The following PHACTR1 variants were observed in gnomAD, a reference collection of about 807,000 sequenced individuals.
PHACTR1 encodes the protein RPEL repeat containing 1.
A neutral mutation model predicts 69.2 loss-of-function variants in PHACTR1; 16 were observed. That is an observed-to-expected ratio of 0.23 (90% confidence interval 0.16 to 0.35). PHACTR1 has a LOEUF of 0.35. Among genes scored for constraint, PHACTR1 ranks in the 10% least tolerant of loss-of-function variants. PHACTR1 has a pLI of 1.00. For synonymous variants in PHACTR1, 312 were observed against 284.5 expected (o/e 1.10, Z -0.97); for missense variants, 510 against 734.7 (o/e 0.69, Z 3.54).
chr6:13,232,449 C>T (rs1771360478), intron 10 of PHACTR1, among the ~76,000 whole-genome samples: 1 of 152,180 alleles, frequency 6.6e-6, no homozygotes, highest in Non-Finnish European at 1.5e-5. Flanking sequence ...AACATCTAAC[C>T]ACCTGCCACA....
intron 10 of PHACTR1, among the ~76,000 whole-genome samples, chr6:13,262,128 G>A (rs1286517766): frequency 1.3e-5 from 2 of 152,142 alleles, no homozygotes; most frequent in African/African-American, 2.4e-5. Context: ...GCAGCAACTG[G>A]GAGAGATGCT....
chr6:13,206,158 G>T (rs1397520844), intron 8 of PHACTR1, 22 bp downstream of exon 8: 2 of 1,531,248 alleles, frequency 1.3e-6, no homozygotes, highest in Non-Finnish European at 1.8e-6. Context: ...CACCAGGAGG[G>T]AGGACGGGAG....
chr6:12,831,088 G>A (rs888952443), intron 4 of PHACTR1, among the ~76,000 whole-genome samples: 2 of 151,994 alleles, frequency 1.3e-5, no homozygotes, highest in Non-Finnish European at 2.9e-5. Context: ...AAGAACTATC[G>A]TATTTGAGCT....
intron 8 of PHACTR1, among the ~76,000 whole-genome samples, chr6:13,207,213 A>G (rs960940283): frequency 5.9e-5 from 9 of 152,240 alleles, no homozygotes; most frequent in African/African-American, 1.9e-4. Flanking sequence ...ATATCTTTCT[A>G]TAGTACTTTT....
At chr6:12,997,872 G>T (rs1450126734) in intron 4 of PHACTR1, among the ~76,000 whole-genome samples, 4 of 152,140 alleles carry the variant, frequency 2.6e-5, no homozygotes, top group Non-Finnish European at 5.9e-5. Context: ...AGAATGGTGT[G>T]AACCCGGGAG....
At chr6:13,158,975 C>T (rs562938851) in intron 5 of PHACTR1, among the ~76,000 whole-genome samples, 1 of 152,330 alleles carries the variant, frequency 6.6e-6, no homozygotes, top group East Asian at 1.9e-4. Context: ...GAGGTTGAGT[C>T]AGTGTGTACC....
chr6:12,859,859 C>T (rs1000405092), intron 4 of PHACTR1, among the ~76,000 whole-genome samples: 1 of 152,096 alleles, frequency 6.6e-6, no homozygotes, highest in Non-Finnish European at 1.5e-5. Flanking sequence ...CAGAAATTCT[C>T]CAGAGAAAGC....
intron 4 of PHACTR1, among the ~76,000 whole-genome samples, chr6:12,972,858 T>C (rs1794402189): frequency 6.6e-6 from 1 of 152,058 alleles, no homozygotes; most frequent in East Asian, 1.9e-4. Context: ...ACCGTATTGA[T>C]CAGGCTGGTC....
chr6:12,874,257 G>A (rs535320838), intron 4 of PHACTR1, among the ~76,000 whole-genome samples: 2 of 152,254 alleles, frequency 1.3e-5, no homozygotes, highest in East Asian at 3.9e-4. Flanking sequence ...TCAGTAGCAA[G>A]GATCTAGAGA....
At chr6:12,889,141 G>T (rs1298186909) in intron 4 of PHACTR1, among the ~76,000 whole-genome samples, 1 of 152,190 alleles carries the variant, frequency 6.6e-6, no homozygotes, top group Non-Finnish European at 1.5e-5. Flanking sequence ...AGGCATGGTG[G>T]CTTGAGCCTT....
chr6:12,773,351 T>A (rs1183391940), intron 4 of PHACTR1, among the ~76,000 whole-genome samples: 1 of 152,176 alleles, frequency 6.6e-6, no homozygotes, highest in Non-Finnish European at 1.5e-5. Context: ...CTGCGTCAAC[T>A]CAATATTTTA....
rs147824337 is a variant in PHACTR1 at position 12,931,356 on chromosome 6, C to T, written c.251-122009C>T. Among the ~76,000 whole-genome samples, 413 of 152,246 alleles carry T rather than the reference C, an allele frequency of 2.7e-3. 2 individuals carry two copies. In the Middle Eastern group the frequency reaches 0.037, roughly 14 times the overall value. ...GCCTAAGTTTAGTCTCAGGGTCATA[C>T]CTACCTGCAGGGAAAGTTGGCAACT... is the stretch of plus-strand genomic sequence containing the variant. On this transcript the variant is annotated intron_variant, in intron 4 of 14. Transcript: ENST00000332995.
chr6:12,806,836 G>C (rs1198847476), intron 4 of PHACTR1, among the ~76,000 whole-genome samples: 2 of 152,070 alleles, frequency 1.3e-5, no homozygotes, highest in African/African-American at 4.8e-5. Flanking sequence ...GGGCAAAATG[G>C]CTGTCCTTAA....
In PHACTR1 at chr6:13,245,473, T is replaced by A. The variant is rs61059365; in HGVS notation, c.1391+15280T>A. Among the ~76,000 whole-genome samples, 12,256 of 152,252 alleles carry A rather than the reference T, an allele frequency of 0.08. 1,526 individuals carry two copies. The highest frequency in any genetic ancestry group is 0.27 in the African/African-American group (11,232 of 41,496). Reference sequence around the variant, plus strand: ...TTGGCCACATGGATTTCTGTTTTTGTAAAGTGTCTGTTCATGTCCTTTTTA... The same window carrying A: ...TTGGCCACATGGATTTCTGTTTTTGAAAAGTGTCTGTTCATGTCCTTTTTA... On this transcript the variant is annotated intron_variant, in intron 10 of 14. Coordinates refer to ENST00000332995, the MANE Select transcript of PHACTR1 (RefSeq NM_030948.6). This position sits in a 1 kb window ranked among gnomAD's most constrained non-coding sequence, Gnocchi z 4.1.
intron 4 of PHACTR1, among the ~76,000 whole-genome samples, chr6:12,850,259 T>C (rs1372542515): frequency 1.3e-5 from 2 of 152,254 alleles, no homozygotes; most frequent in Non-Finnish European, 2.9e-5. Context: ...TGGTTACTGC[T>C]GCCCTAGCCT....
At chr6:13,058,025 A>G (rs1807066641) in intron 5 of PHACTR1, among the ~76,000 whole-genome samples, 3 of 152,130 alleles carry the variant, frequency 2.0e-5, no homozygotes, top group African/African-American at 7.2e-5. Flanking sequence ...CGATCCTCAC[A>G]TGCCTTTCAG....
At chr6:12,861,560 G>A (rs935220667) in intron 4 of PHACTR1, among the ~76,000 whole-genome samples, 5 of 152,220 alleles carry the variant, frequency 3.3e-5, no homozygotes, top group African/African-American at 7.2e-5. Context: ...TCTGCTGTTA[G>A]AAGAAGAATA....
chr6:13,112,903 A>G (rs1290876536), intron 5 of PHACTR1, among the ~76,000 whole-genome samples: 1 of 151,984 alleles, frequency 6.6e-6, no homozygotes, highest in Non-Finnish European at 1.5e-5. Context: ...CAGTTTTTAC[A>G]TGTGTTGCGA....
chr6:12,964,346 A>G (rs1036636919), intron 4 of PHACTR1, among the ~76,000 whole-genome samples: 3 of 152,224 alleles, frequency 2.0e-5, no homozygotes, highest in Non-Finnish European at 2.9e-5. Flanking sequence ...GAGGATGATA[A>G]GAGGGAGATA....
Sources: allele counts gnomAD v4.1 joint callset (sites outside exome capture counted in the v4.1 genomes callset), GRCh38; gene constraint gnomAD v4.1.1; non-coding constraint Gnocchi (gnomAD v3.1); transcripts MANE v1.5; gene names NCBI Gene and HGNC (gene_info 2026-07-23, HGNC 2026-07-21).